Variants in GPHN observed in about 807,000 individuals in gnomAD.
GPHN encodes gephyrin.
GPHN carries 17 observed loss-of-function variants against 95.5 expected under a neutral mutation model. That is an observed-to-expected ratio of 0.18 (90% CI 0.12 to 0.27). The LOEUF (loss-of-function observed/expected upper bound fraction) is 0.27. GPHN is among the 10% of genes least tolerant of loss of function. GPHN has a pLI of 1.00. For synonymous variants in GPHN, 320 were observed against 322.5 expected (o/e 0.99, Z 0.08); for missense variants, 660 against 978.1 (o/e 0.67, Z 4.34).
the GPHN span, among the ~76,000 whole-genome samples, chr14:67,295,832 C>A: frequency 0.15 from 23,506 of 152,028 alleles, 3,421 homozygotes; most frequent in East Asian, 0.41. Flanking sequence ...TACCTATATA[C>A]TGTGACCCAG....
At chr14:67,216,241 T>C in the GPHN span, among the ~76,000 whole-genome samples, 1 of 152,180 alleles carries the variant, frequency 6.6e-6, no homozygotes, top group African/African-American at 2.4e-5. Flanking sequence ...TTTTGTTTTC[T>C]TGAGGATTTT....
At chr14:66,776,663 T>TA in intron 3 of GPHN, 142 bp downstream of exon 3, 1 of 689,688 alleles carries the variant, frequency 1.4e-6, no homozygotes, top group Non-Finnish European at 2.6e-6. Context: ...AATTAAAAAT[T>TA]TATATGTATC....
At chr14:66,579,042 T>TA in intron 1 of GPHN, among the ~76,000 whole-genome samples, 1 of 152,000 alleles carries the variant, frequency 6.6e-6, no homozygotes, top group East Asian at 1.9e-4. Flanking sequence ...ATACAATATA[T>TA]AAAATGTAAA....
intron 1 of GPHN, among the ~76,000 whole-genome samples, chr14:66,570,947 G>A (rs889874033): frequency 1.3e-5 from 2 of 151,980 alleles, no homozygotes. Flanking sequence ...TCTTTAGCCT[G>A]TTTTTTAACC....
At chr14:66,765,545 A>T (rs1007342229) in intron 2 of GPHN, among the ~76,000 whole-genome samples, 1 of 152,204 alleles carries the variant, frequency 6.6e-6, no homozygotes, top group East Asian at 1.9e-4. Flanking sequence ...GTTCTCACTT[A>T]TAAGTGGAAA....
chr14:67,392,095 T>G, the GPHN span, among the ~76,000 whole-genome samples: 1 of 152,210 alleles, frequency 6.6e-6, no homozygotes, highest in South Asian at 2.1e-4. Context: ...GTGTGTGTAG[T>G]ACATTTTTCC....
the GPHN span, among the ~76,000 whole-genome samples, chr14:67,477,756 A>G: frequency 3.6e-4 from 55 of 152,078 alleles, no homozygotes; most frequent in African/African-American, 1.2e-3. Flanking sequence ...ATGCAGTGAG[A>G]CTCTGTCTCT....
intron 1 of GPHN, among the ~76,000 whole-genome samples, chr14:66,612,529 T>G (rs1413945153): frequency 6.6e-6 from 1 of 152,102 alleles, no homozygotes; most frequent in East Asian, 1.9e-4. Context: ...TTGTTTCGTT[T>G]TTGCATTCCT....
the GPHN span, among the ~76,000 whole-genome samples, chr14:67,249,226 T>C: frequency 6.6e-6 from 1 of 152,294 alleles, no homozygotes; most frequent in African/African-American, 2.4e-5. Context: ...CCTCCCAAAG[T>C]GCTGGGATTA....
the GPHN span, among the ~76,000 whole-genome samples, chr14:67,344,577 C>T: frequency 6.6e-6 from 1 of 152,064 alleles, no homozygotes; most frequent in Non-Finnish European, 1.5e-5. Context: ...GCTATTCTTA[C>T]TTAGCAAAGA....
chr14:67,704,317 A>T, the GPHN span, among the ~76,000 whole-genome samples: 1 of 152,188 alleles, frequency 6.6e-6, no homozygotes, highest in Non-Finnish European at 1.5e-5. Context: ...AAATCGTTTC[A>T]CATATCTTTT....
At chr14:66,578,199 A>G (rs1181945162) in intron 1 of GPHN, among the ~76,000 whole-genome samples, 1 of 151,494 alleles carries the variant, frequency 6.6e-6, no homozygotes, top group Non-Finnish European at 1.5e-5. Flanking sequence ...GAGCTTCAAC[A>G]TAAGATTTGA....
chr14:67,009,911 A>G (rs940966358), intron 9 of GPHN, among the ~76,000 whole-genome samples: 1 of 151,724 alleles, frequency 6.6e-6, no homozygotes, highest in Admixed American at 6.6e-5. Context: ...GGCGCACACC[A>G]CTGTATCTGG....
intron 18 of GPHN, among the ~76,000 whole-genome samples, chr14:67,155,114 T>C (rs1379512217): frequency 6.6e-6 from 1 of 152,236 alleles, no homozygotes; most frequent in African/African-American, 2.4e-5. Flanking sequence ...ATGAGTCTTA[T>C]GAGTTCAGGA....
chr14:67,468,409 A>G, the GPHN span, among the ~76,000 whole-genome samples: 2 of 152,200 alleles, frequency 1.3e-5, no homozygotes. Flanking sequence ...GGCACCCAGG[A>G]AGACCAGGCA....
the GPHN span, among the ~76,000 whole-genome samples, chr14:67,468,922 A>ATTTT: frequency 4.7e-5 from 7 of 149,014 alleles, no homozygotes; most frequent in Non-Finnish European, 7.4e-5. Context: ...TTTTTTTTAA[A>ATTTT]AAAAAAAGGG....
chr14:67,030,138 A>G (rs919519966), intron 10 of GPHN, among the ~76,000 whole-genome samples: 2 of 151,746 alleles, frequency 1.3e-5, no homozygotes, highest in Non-Finnish European at 1.5e-5. Flanking sequence ...TCCAATCCAT[A>G]TCTTCTTCCT....
chr14:66,516,310 G>C (rs1052505457), intron 1 of GPHN, among the ~76,000 whole-genome samples: 2 of 151,866 alleles, frequency 1.3e-5, no homozygotes, highest in African/African-American at 4.8e-5. Context: ...GAGCCACCGT[G>C]CCTGGCCAGC....
the GPHN span, chr14:67,279,223 T>TA: frequency 1.9e-6 from 3 of 1,611,348 alleles, no homozygotes; most frequent in Non-Finnish European, 2.5e-6. Flanking sequence ...GACAGCGAAG[T>TA]AAAAAATGTT....
Sources: gnomAD v4.1 joint callset for allele counts (sites outside exome capture counted in the v4.1 genomes callset) on GRCh38, gnomAD v4.1.1 for gene constraint, MANE v1.5 for transcripts, NCBI Gene and HGNC (gene_info 2026-07-23, HGNC 2026-07-21) for gene names.